PITRM1: variants seen among roughly 807,000 people sequenced by gnomAD.
PITRM1 encodes the protein presequence protease, mitochondrial.
Under a neutral mutation model 129.9 loss-of-function variants are expected in PITRM1, and 100 were observed. The observed-to-expected ratio is 0.77, with a 90% CI of 0.65 to 0.91. The LOEUF is 0.91. Ranked by LOEUF, PITRM1 falls within the 40% of genes least tolerant of loss-of-function variation. PITRM1 has a pLI of 0.00. For missense variants in PITRM1, 1,471 were observed against 1,318.3 expected (o/e 1.12, Z -1.79); for synonymous variants, 591 against 508.8 (o/e 1.16, Z -2.17).
At chr10:3,170,233 T>C (rs17133560) in intron 1 of PITRM1, 27 bp from the exon 2 acceptor site, 5 of 1,549,278 alleles carry the variant, frequency 3.2e-6, no homozygotes, top group Non-Finnish European at 4.5e-6. Context: ...CTAAGTTAGA[T>C]GAGTTGCAGG....
At position 3,144,299 on chromosome 10, in the gene PITRM1, A is replaced by G; in HGVS notation, c.2525T>C (p.Leu842Pro). Reference protein sequence around the residue: ...VPHGSQVIRKLVMEPTFKPWQ... With the variant: ...VPHGSQVIRKPVMEPTFKPWQ... ...ATGGGCTGTGGTTCTTACCATGACCAGCTTCCTAATGACCTGGGAGCCATG... is the reference window on the plus strand; with the variant it reads ...ATGGGCTGTGGTTCTTACCATGACCGGCTTCCTAATGACCTGGGAGCCATG... The change falls in exon 22 of 27, where the codon CTG (leucine) becomes CCG (proline). Residue 842 changes from leucine to proline, a missense_variant. Physicochemically the swap from Leu to Pro is moderately conservative, Grantham distance 98. Coordinates refer to ENST00000224949, the MANE Select transcript of PITRM1 (RefSeq NM_014889.4). The G allele has an allele frequency of 6.4e-7, 1 of 1,554,292 alleles. No individual in the cohort carries two copies. The highest frequency in any genetic ancestry group is 8.7e-7 in the Non-Finnish European group (1 of 1,146,406).
chr10:3,148,011 T>G lies in PITRM1; in HGVS notation c.2045A>C (p.Gln682Pro). The change falls in exon 18 of 27, where the codon CAG becomes CCG. Residue 682 changes from glutamine to proline, a missense_variant. By Grantham distance (76) the Gln-to-Pro change is moderately conservative (BLOSUM62 -1). Coordinates refer to ENST00000224949, the MANE Select transcript of PITRM1 (RefSeq NM_014889.4). The stretch of plus-strand genomic sequence containing the variant: ...CTTGTTAAATATTTCACTCCATAGC[T>G]GCATCATGTCTGGCAGGTTTCGATC... ...CLDRNLPDMMQLWSEIFNNPC... is the reference protein window; with the variant it reads ...CLDRNLPDMMPLWSEIFNNPC... 6.2e-7 allele frequency: 1 copy of G among 1,613,218 alleles called. No homozygotes were observed. Among genetic ancestry groups the G allele is most frequent in the Non-Finnish European group, 8.5e-7 (1 of 1,179,132 alleles).
chr10:3,155,508 G>T, intron 14 of PITRM1, 83 bp downstream of exon 14: 1 of 1,536,478 alleles, frequency 6.5e-7, no homozygotes, highest in South Asian at 1.2e-5. Context: ...AATAATACCT[G>T]CCTCCAACTA....
intron 23 of PITRM1, chr10:3,141,893 G>T (rs1042686347): frequency 4.5e-6 from 1 of 223,618 alleles, no homozygotes; most frequent in Non-Finnish European, 9.4e-6. Flanking sequence ...GCCGTCAGCC[G>T]GGACTAGCGA....
intron 21 of PITRM1, among the ~76,000 whole-genome samples, chr10:3,144,674 G>A (rs1840661709): frequency 6.6e-6 from 1 of 152,034 alleles, no homozygotes; most frequent in Non-Finnish European, 1.5e-5. Context: ...GCATGGTGGT[G>A]CACACCTGTA....
At chr10:3,161,247 G>A (rs1453061212) in intron 7 of PITRM1, among the ~76,000 whole-genome samples, 1 of 152,122 alleles carries the variant, frequency 6.6e-6, no homozygotes, top group Non-Finnish European at 1.5e-5. Context: ...ACCAAATGAG[G>A]TATTTGTTAA....
At chr10:3,165,153 T>G in intron 6 of PITRM1, 85 bp downstream of exon 6, 1 of 977,466 alleles carries the variant, frequency 1.0e-6, no homozygotes, top group East Asian at 2.6e-5. Flanking sequence ...GAATATTAAA[T>G]AAAATCTTCC....
chr10:3,155,173 G>T (rs775877055), intron 14 of PITRM1, among the ~76,000 whole-genome samples: 1 of 152,060 alleles, frequency 6.6e-6, no homozygotes, highest in Non-Finnish European at 1.5e-5. Context: ...CCTCACGCCT[G>T]TCCCACAGAA....
rs769463432 is a variant in PITRM1 at position 3,158,110 on chromosome 10, G to A, written c.1180C>T (p.Gln394Ter). The A allele has an allele frequency of 1.9e-6, 3 of 1,610,600 alleles. No homozygotes were observed. Among genetic ancestry groups the A allele is most frequent in the Non-Finnish European group, 2.5e-6 (3 of 1,177,648 alleles). Residue 394 changes from glutamine to a stop codon, truncating the protein, a stop_gained, in exon 11 of 27, where the codon CAA becomes TAA. Coordinates refer to ENST00000224949, the MANE Select transcript of PITRM1 (RefSeq NM_014889.4). LOFTEE classifies it high-confidence loss of function. ...TREAYFSVGL[Q>*]GIAEKDIETV... is the part of the protein sequence containing the mutation. ...TCAATGTCTTTCTCCGCAATCCCTT[G>A]GAGGCCGACACTAAAGTAGGCCTCC...
At chr10:3,153,257 C>G (rs543141831) in intron 14 of PITRM1, among the ~76,000 whole-genome samples, 1 of 152,348 alleles carries the variant, frequency 6.6e-6, no homozygotes, top group South Asian at 2.1e-4. Context: ...AAGCACAGCT[C>G]TGAGGCCAGG....
intron 14 of PITRM1, among the ~76,000 whole-genome samples, chr10:3,153,791 T>C (rs1398443884): frequency 6.6e-6 from 1 of 152,220 alleles, no homozygotes; most frequent in African/African-American, 2.4e-5. Flanking sequence ...ACGTCCACTC[T>C]TACCTCCTGA....
intron 1 of PITRM1, among the ~76,000 whole-genome samples, chr10:3,171,147 T>TAAAAAAAAAAA (rs1169315061): frequency 1.0e-4 from 5 of 49,202 alleles, no homozygotes; most frequent in Non-Finnish European, 1.5e-4. Context: ...ATCGTTCAAT[T>TAAAAAAAAAAA]AAAAAAAAAA....
At chr10:3,170,039 A>C in intron 2 of PITRM1, 65 bp downstream of exon 2, 1 of 1,245,736 alleles carries the variant, frequency 8.0e-7, no homozygotes, top group Non-Finnish European at 1.2e-6. Flanking sequence ...GGCTCCGTAC[A>C]TAGGCCAGAA....
chr10:3,145,522 A>T, intron 21 of PITRM1, 74 bp downstream of exon 21: 1 of 1,267,168 alleles, frequency 7.9e-7, no homozygotes, highest in Non-Finnish European at 1.1e-6. Context: ...GAATTGAGTT[A>T]ATGCGTGTAA....
chr10:3,147,539 C>A (rs373787316), intron 19 of PITRM1, 33 bp downstream of exon 19: 3 of 1,605,322 alleles, frequency 1.9e-6, no homozygotes, highest in African/African-American at 2.7e-5. Context: ...GTGGCTAAAC[C>A]GGAGTAATAG....
chr10:3,157,953 C>A, intron 11 of PITRM1, 87 bp downstream of exon 11: 3 of 817,864 alleles, frequency 3.7e-6, no homozygotes, highest in South Asian at 1.4e-5. Context: ...GAAGGAAGGC[C>A]GAAACAATGG....
chr10:3,149,013 G>C (rs1280420366), intron 16 of PITRM1: 1 of 152,328 alleles, frequency 6.6e-6, no homozygotes, highest in Non-Finnish European at 1.5e-5. Flanking sequence ...TCTCCACAAA[G>C]GGAAGACCCC....
chr10:3,141,100 CCTGA>C (rs1377751183), intron 23 of PITRM1, among the ~76,000 whole-genome samples: 4 of 152,172 alleles, frequency 2.6e-5, no homozygotes, highest in Admixed American at 6.6e-5. Flanking sequence ...TGCCACCACG[CCTGA>C]CTATTTTTAC....
chr10:3,144,623 T>A (rs1347673619), intron 21 of PITRM1, among the ~76,000 whole-genome samples: 1 of 152,078 alleles, frequency 6.6e-6, no homozygotes, highest in Non-Finnish European at 1.5e-5. Flanking sequence ...GGCAATGTAG[T>A]GAGCTCCCAT....
Sources: allele counts gnomAD v4.1 joint callset (sites outside exome capture counted in the v4.1 genomes callset), GRCh38; gene constraint gnomAD v4.1.1; transcripts MANE v1.5; gene names NCBI Gene and HGNC (gene_info 2026-07-23, HGNC 2026-07-21).